Variants in MAP4 observed in about 807,000 individuals in gnomAD.
MAP4 encodes microtubule associated protein 4.
MAP4 carries 76 observed loss-of-function variants against 170.2 expected under a neutral mutation model. That is an observed-to-expected ratio of 0.45 (90% CI 0.37 to 0.54). MAP4 has a LOEUF of 0.54. Ranked by LOEUF, MAP4 falls within the 20% of genes least tolerant of loss-of-function variation. The pLI, the probability that MAP4 is intolerant of heterozygous loss-of-function variation, is 0.00. For synonymous variants in MAP4, 909 were observed against 994.5 expected (o/e 0.91, Z 1.62); for missense variants, 2,506 against 2,748.0 (o/e 0.91, Z 1.97).
chr3:48,042,732 T>C (rs1443447677), intron 1 of MAP4, among the ~76,000 whole-genome samples: 1 of 152,166 alleles, frequency 6.6e-6, no homozygotes, highest in East Asian at 1.9e-4. Context: ...AGTTACCATA[T>C]GAAAGCAGAA....
chr3:47,852,884 C>A lies in MAP4; in HGVS notation c.*50G>T. The A allele has an allele frequency of 6.3e-7, 1 of 1,592,068 alleles. No individual in the cohort carries two copies. Among genetic ancestry groups the A allele is most frequent in the East Asian group, 2.3e-5 (1 of 43,514 alleles). Reference sequence around the variant, plus strand: ...GGGGGGCGGGAGACAATGTCGGCCCCGTGGTCGGTGCGGGCCCTGGCATTT... The same window carrying A: ...GGGGGGCGGGAGACAATGTCGGCCCAGTGGTCGGTGCGGGCCCTGGCATTT... On this transcript the variant is annotated 3_prime_UTR_variant, in exon 21 of 21. Coordinates refer to ENST00000683076, the MANE Select transcript of MAP4 (RefSeq NM_001385682.1).
chr3:47,852,525 T>G lies in MAP4; in HGVS notation c.*409A>C. The G allele has an allele frequency of 2.1e-6, 1 of 478,516 alleles. No individual in the cohort carries two copies. Among genetic ancestry groups the G allele is most frequent in the Non-Finnish European group, 3.7e-6 (1 of 272,200 alleles). The allele number at this position is 478,516 out of a possible 1,614,324, so 29.6% of individuals were successfully genotyped here. On this transcript the variant is annotated 3_prime_UTR_variant, in exon 21 of 21. Coordinates refer to ENST00000683076, the MANE Select transcript of MAP4 (RefSeq NM_001385682.1). ...GGAGGGCATGTCAGTTTCTTTTGGG[T>G]TTGGACCAAAGAACCAAAAAAAGAT...
chr3:48,013,394 G>T (rs2100106282), intron 1 of MAP4: 2 of 151,990 alleles, frequency 1.3e-5, no homozygotes, highest in African/African-American at 2.4e-5. Context: ...ATAGATTTGT[G>T]AGTAAGAGTC....
At chr3:48,046,866 G>A (rs1198529154) in intron 1 of MAP4, among the ~76,000 whole-genome samples, 3 of 151,808 alleles carry the variant, frequency 2.0e-5, no homozygotes, top group Non-Finnish European at 2.9e-5. Flanking sequence ...AGGCTGAGGC[G>A]GGTGGATCAC....
At chr3:47,920,267 G>C (rs963643048) in intron 5 of MAP4, among the ~76,000 whole-genome samples, 1 of 136,252 alleles carries the variant, frequency 7.3e-6, no homozygotes, top group Non-Finnish European at 1.6e-5. Context: ...CACCACACTC[G>C]GCCTAATTTT....
At chr3:48,082,146 A>T (rs1019011132) in intron 1 of MAP4, among the ~76,000 whole-genome samples, 2 of 152,228 alleles carry the variant, frequency 1.3e-5, no homozygotes, top group African/African-American at 4.8e-5. Context: ...TCTTCCTTAC[A>T]AAAGGATTCC....
chr3:48,032,486 G>C (rs1237188018), intron 1 of MAP4, among the ~76,000 whole-genome samples: 1 of 151,108 alleles, frequency 6.6e-6, no homozygotes, highest in Non-Finnish European at 1.5e-5. Flanking sequence ...CTGGGCAAGA[G>C]AGCAAGACTC....
At chr3:47,958,844 T>C (rs990518765) in intron 3 of MAP4, among the ~76,000 whole-genome samples, 1 of 151,982 alleles carries the variant, frequency 6.6e-6, no homozygotes, top group Non-Finnish European at 1.5e-5. Context: ...CCACCACACC[T>C]GGCTAATTTT....
intron 1 of MAP4, among the ~76,000 whole-genome samples, chr3:48,073,664 C>A (rs1311814309): frequency 2.0e-5 from 3 of 150,668 alleles, no homozygotes; most frequent in Non-Finnish European, 4.4e-5. Flanking sequence ...AATACCAGAT[C>A]TATAAAAATC....
chr3:48,020,166 G>A (rs2100109866), upstream of MAP4, among the ~76,000 whole-genome samples: 1 of 152,156 alleles, frequency 6.6e-6, no homozygotes, highest in African/African-American at 2.4e-5. Flanking sequence ...GATTACAGGT[G>A]TGAGCCACCA....
At chr3:47,943,482 C>T (rs1372762161) in intron 3 of MAP4, among the ~76,000 whole-genome samples, 2 of 152,084 alleles carry the variant, frequency 1.3e-5, no homozygotes, top group East Asian at 3.9e-4. Flanking sequence ...CGTGATGGTG[C>T]ATGTCTGTAA....
At chr3:47,939,313 TATC>T (rs570041931) in intron 3 of MAP4, among the ~76,000 whole-genome samples, 4 of 148,820 alleles carry the variant, frequency 2.7e-5, no homozygotes, top group South Asian at 4.1e-4. Flanking sequence ...GTATTCTATT[TATC>T]ATTAAAATTT....
intron 1 of MAP4, among the ~76,000 whole-genome samples, chr3:48,027,385 CCT>C (rs1454674571): frequency 1.3e-5 from 2 of 152,086 alleles, no homozygotes; most frequent in African/African-American, 4.8e-5. Context: ...CCCAGAGTTC[CCT>C]CCCCAAAATG....
chr3:48,029,200 G>A (rs1229221366), intron 1 of MAP4, among the ~76,000 whole-genome samples: 1 of 151,980 alleles, frequency 6.6e-6, no homozygotes, highest in Non-Finnish European at 1.5e-5. Context: ...CACTTTGTGA[G>A]GCCAAAGCGG....
rs1485686725 is a variant in MAP4 at position 47,875,678 on chromosome 3, C to T, written c.5757+7G>A. On this transcript the variant is annotated splice_region_variant and intron_variant, in intron 12 of 20. Transcript: ENST00000683076. ...TTCCTCGGCACAGTAGTTAGGTGAC[C>T]ACTTACCTTTGGCTTCACGTCTTTT... The T allele has an allele frequency of 1.9e-6, 3 of 1,610,826 alleles. 1 individual carries two copies. Among genetic ancestry groups the T allele is most frequent in the South Asian group, 2.2e-5 (2 of 90,652 alleles).
At chr3:47,898,402 T>A (rs2100028160) in intron 10 of MAP4, among the ~76,000 whole-genome samples, 1 of 151,390 alleles carries the variant, frequency 6.6e-6, no homozygotes, top group Admixed American at 6.6e-5. Flanking sequence ...CCCGGGAGGC[T>A]GAGGCAGGAG....
chr3:47,941,631 A>AC (rs1553642177), intron 3 of MAP4, among the ~76,000 whole-genome samples: 4 of 150,660 alleles, frequency 2.7e-5, no homozygotes, highest in Non-Finnish European at 4.4e-5. Flanking sequence ...CAAAAACAAA[A>AC]AAAAAAAAAA....
intron 10 of MAP4, among the ~76,000 whole-genome samples, chr3:47,884,273 G>T (rs77166632): frequency 0.01 from 1,537 of 152,254 alleles, 30 homozygotes; most frequent in African/African-American, 0.035. Context: ...GTCTGCTGCT[G>T]AGCCCATTGA....
intron 4 of MAP4, among the ~76,000 whole-genome samples, chr3:47,924,040 A>T (rs2100044448): frequency 6.6e-6 from 1 of 152,210 alleles, no homozygotes; most frequent in South Asian, 2.1e-4. Context: ...AGCTTGCTAA[A>T]TTACTTGTAA....
Sources: gnomAD v4.1 joint callset for allele counts (sites outside exome capture counted in the v4.1 genomes callset) on GRCh38, gnomAD v4.1.1 for gene constraint, MANE v1.5 for transcripts, NCBI Gene and HGNC (gene_info 2026-07-23, HGNC 2026-07-21) for gene names.